The following PIK3R2 variants were observed in gnomAD, a reference collection of about 807,000 sequenced individuals.
The protein encoded by PIK3R2 is phosphoinositide-3-kinase regulatory subunit 2.
In PIK3R2, 40 loss-of-function variants were observed where a neutral mutation model predicts 78.5. The ratio of observed to expected loss-of-function variants is 0.51; its 90% CI spans 0.40 to 0.66. The LOEUF is 0.66. PIK3R2 is among the 30% of genes least tolerant of loss of function. PIK3R2 has a pLI of 0.00. For synonymous variants in PIK3R2, 473 were observed against 457.7 expected (o/e 1.03, Z -0.43); for missense variants, 880 against 1,026.6 (o/e 0.86, Z 1.95).
chr19:18,160,050 T>C (rs1219254931), intron 2 of PIK3R2, among the ~76,000 whole-genome samples: 1 of 152,122 alleles, frequency 6.6e-6, no homozygotes, highest in Non-Finnish European at 1.5e-5. Flanking sequence ...CTTTCTCTTG[T>C]TACAAGGACA....
rs974062063 is a variant in PIK3R2, at chr19:18,153,918, C to T, written c.-424+624C>T. On this transcript the variant is annotated intron_variant, in intron 1 of 15. Coordinates refer to ENST00000222254, the MANE Select transcript of PIK3R2 (RefSeq NM_005027.4). ...CCTGTAGAATGAGGGTAACAGAGGC[C>T]TAGGAATGGGTAAATTGGGCACCCG... Among the ~76,000 whole-genome samples, 5 of 152,178 alleles carry T rather than the reference C, an allele frequency of 3.3e-5. No homozygotes were observed. In the South Asian group the frequency reaches 1.0e-3, roughly 32 times the overall value.
chr19:18,168,652 C>T lies in PIK3R2; in HGVS notation c.1809-74C>T. On this transcript the variant is annotated intron_variant, in intron 14 of 15. Coordinates refer to ENST00000222254, the MANE Select transcript of PIK3R2 (RefSeq NM_005027.4). This position sits in a 1 kb window ranked among gnomAD's most constrained non-coding sequence, Gnocchi z 4.1. ...GAGTTCACCAGGGAGGAAAAGTTGT[C>T]CAGGCAGCTGGGGAGCCTCGGAGGC... 1 of 1,306,882 alleles carries T rather than the reference C, an allele frequency of 7.7e-7. No individual in the cohort carries two copies. Among genetic ancestry groups the T allele is most frequent in the Non-Finnish European group, 1.1e-6 (1 of 904,986 alleles). 81.0% of individuals were successfully genotyped at this position (1,306,882 alleles called of 1,614,324 possible).
rs1257426847 is a variant in PIK3R2 at position 18,168,036 on chromosome 19, C to T, written c.1737-439C>T. 1.3e-5 allele frequency among the ~76,000 whole-genome samples: 2 copies of T among 152,142 alleles called. No homozygotes were observed. The highest frequency in any genetic ancestry group is 2.9e-5 in the Non-Finnish European group (2 of 68,034). ...TTGGGCCTCAGGGAGGGCACTGTCG[C>T]GTGCCAGGTGCTGTGCTAAGCACCG... On this transcript the variant is annotated intron_variant, in intron 13 of 15. Coordinates refer to ENST00000222254, the MANE Select transcript of PIK3R2 (RefSeq NM_005027.4). This position sits in a 1 kb window ranked among gnomAD's most constrained non-coding sequence, Gnocchi z 4.1.
At chr19:18,155,342 G>A (rs931998432) in intron 1 of PIK3R2, 115 bp from the exon 2 acceptor site, 29 of 333,040 alleles carry the variant, frequency 8.7e-5, no homozygotes, top group Non-Finnish European at 1.4e-4. Context: ...GAGAGGGACC[G>A]GCCCCAAGGT....
chr19:18,162,395 G>T lies in PIK3R2; in HGVS notation c.1011-13G>T, dbSNP rs779036985. 4.3e-6 allele frequency: 7 copies of T among 1,612,388 alleles called. No homozygotes were observed. Among genetic ancestry groups the T allele is most frequent in the Middle Eastern group, 1.6e-4 (1 of 6,062 alleles). The stretch of plus-strand genomic sequence containing the variant: ...AGGTGGCTCGGCAGTCCCAATGTTG[G>T]ATGTTCCCACAGGGAGGAGGTGAAC... On this transcript the variant is annotated splice_polypyrimidine_tract_variant and intron_variant, in intron 8 of 15. Transcript: ENST00000222254.
intron 2 of PIK3R2, among the ~76,000 whole-genome samples, chr19:18,158,617 G>GC (rs1219133140): frequency 5.3e-5 from 8 of 152,004 alleles, no homozygotes; most frequent in Admixed American, 4.6e-4. Flanking sequence ...GGGTGACAAA[G>GC]CAAGAACCTG....
chr19:18,155,085 G>A (rs2043662986), intron 1 of PIK3R2, among the ~76,000 whole-genome samples: 1 of 151,204 alleles, frequency 6.6e-6, no homozygotes, highest in Non-Finnish European at 1.5e-5. Flanking sequence ...GTGGTGGCCT[G>A]CTACTCGGGA....
At chr19:18,153,834 C>G (rs1286445823) in intron 1 of PIK3R2, among the ~76,000 whole-genome samples, 1 of 152,226 alleles carries the variant, frequency 6.6e-6, no homozygotes, top group Non-Finnish European at 1.5e-5. Flanking sequence ...TGGGGGCGGG[C>G]TGGCAGGCAG....
chr19:18,166,330 A>G (rs773183946), intron 12 of PIK3R2, 28 bp downstream of exon 12: 2 of 1,597,648 alleles, frequency 1.3e-6, no homozygotes, highest in African/African-American at 1.3e-5. Flanking sequence ...GCCCTGCCCC[A>G]CCCCACCCTG....
chr19:18,163,979 TAGCTG>T (rs1408011678), intron 11 of PIK3R2, among the ~76,000 whole-genome samples: 8 of 151,040 alleles, frequency 5.3e-5, no homozygotes, highest in Admixed American at 5.3e-4. Context: ...ATACAAAAAT[TAGCTG>T]GGCATGGTGG....
At position 18,166,296 on chromosome 19, in the gene PIK3R2, T is replaced by C. The variant is rs778289716; in HGVS notation, c.1553T>C (p.Met518Thr). The C allele has an allele frequency of 2.5e-6, 4 of 1,613,772 alleles. No homozygotes were observed. The highest frequency in any genetic ancestry group is 2.7e-5 in the African/African-American group (2 of 74,902). Residue 518 changes from methionine (M) to threonine (T), a missense_variant, in exon 12 of 16, where the codon ATG becomes ACG. Met to Thr is a moderately conservative substitution (Grantham distance 81). Around this residue, in one of 3 missense-constraint regions of PIK3R2, gnomAD observed 268 missense variants for 299.1 expected, o/e 0.90. Coordinates refer to ENST00000222254, the MANE Select transcript of PIK3R2 (RefSeq NM_005027.4). ...CGGCGTGAGGGCAACGAGAAAGAGATGCAAAGGTGAGTCTGGCGCCTCTGC... is the reference window on the plus strand; with the variant it reads ...CGGCGTGAGGGCAACGAGAAAGAGACGCAAAGGTGAGTCTGGCGCCTCTGC... The part of the protein sequence containing the change: ...RFRREGNEKE[M>T]QRILLNSERL...
intron 2 of PIK3R2, among the ~76,000 whole-genome samples, chr19:18,157,587 A>G (rs1280071459): frequency 1.3e-5 from 2 of 151,968 alleles, no homozygotes; most frequent in African/African-American, 2.4e-5. Flanking sequence ...CTGACCCACA[A>G]TTCCTCACCT....
Position 18,156,052 on chromosome 19 carries a change from C to T in PIK3R2, c.173C>T (p.Pro58Leu), listed in dbSNP as rs2147945069. The T allele has an allele frequency of 6.4e-7, 1 of 1,562,410 alleles. No homozygotes were observed. Among genetic ancestry groups the T allele is most frequent in the Non-Finnish European group, 8.7e-7 (1 of 1,154,008 alleles). ...ERCPQSVGWMPGLNERTRQRG... is the reference protein window; with the variant it reads ...ERCPQSVGWMLGLNERTRQRG... Reference sequence around the variant, plus strand: ...TGCCCACAGAGCGTGGGCTGGATGCCCGGCCTCAACGAGCGCACACGGCAG... The same window carrying T: ...TGCCCACAGAGCGTGGGCTGGATGCTCGGCCTCAACGAGCGCACACGGCAG... Residue 58 changes from proline (P) to leucine (L), a missense_variant, in exon 2 of 16, where the codon CCC becomes CTC. Physicochemically the swap from Pro to Leu is moderately conservative, Grantham distance 98. Around this residue, in one of 3 missense-constraint regions of PIK3R2, gnomAD observed 456 missense variants for 486.6 expected, o/e 0.94. Transcript: ENST00000222254. This position sits in a 1 kb window ranked among gnomAD's most constrained non-coding sequence, Gnocchi z 4.2.
At position 18,162,312 on chromosome 19, in the gene PIK3R2, T is replaced by C; in HGVS notation, c.1010+2T>C. On this transcript the variant is annotated splice_donor_variant, in intron 8 of 15. Coordinates refer to ENST00000222254, the MANE Select transcript of PIK3R2 (RefSeq NM_005027.4). LOFTEE classifies it high-confidence loss of function. Reference sequence around the variant, plus strand: ...GTGGTACTGGGGGGACATTTCAAGGTAGGTTGCTGGCAGGGGGCCAGGGAC... The same window carrying C: ...GTGGTACTGGGGGGACATTTCAAGGCAGGTTGCTGGCAGGGGGCCAGGGAC... The C allele has an allele frequency of 6.2e-7, 1 of 1,601,592 alleles. No individual in the cohort carries two copies. Among genetic ancestry groups the C allele is most frequent in the African/African-American group, 1.3e-5 (1 of 74,720 alleles).
At position 18,156,123 on chromosome 19, in the gene PIK3R2, G is replaced by A. The variant is rs771896618; in HGVS notation, c.244G>A (p.Ala82Thr). ...GTYVEFLGPV[A>T]LARPGPRPRG... ...CTATGTGGAGTTCCTGGGGCCCGTGGCCCTGGCCCGGCCCGGCCCTCGCCC... is the reference window on the plus strand; with the variant it reads ...CTATGTGGAGTTCCTGGGGCCCGTGACCCTGGCCCGGCCCGGCCCTCGCCC... Residue 82 changes from alanine to threonine, a missense_variant, in exon 2 of 16, where the codon GCC becomes ACC. By Grantham distance (58) the Ala-to-Thr change is moderately conservative (BLOSUM62 0). Transcript: ENST00000222254. The surrounding 1 kb of genome is among the most constrained non-coding windows in gnomAD (Gnocchi z 4.2). The A allele has an allele frequency of 1.3e-6, 2 of 1,530,340 alleles. No homozygotes were observed. Among genetic ancestry groups the A allele is most frequent in the South Asian group, 2.5e-5 (2 of 81,194 alleles). The allele number at this position is 1,530,340 out of a possible 1,614,324, so 94.8% of individuals were successfully genotyped here.
chr19:18,163,675 A>C (rs934490562), intron 11 of PIK3R2, among the ~76,000 whole-genome samples: 4 of 152,180 alleles, frequency 2.6e-5, no homozygotes, highest in Non-Finnish European at 1.5e-5. Context: ...TTTAAAAATT[A>C]ACTGGGTGTC....
At chr19:18,162,607 G>C in intron 9 of PIK3R2, 101 bp downstream of exon 9, 1 of 960,580 alleles carries the variant, frequency 1.0e-6, no homozygotes, top group South Asian at 1.5e-5. Flanking sequence ...TGGAGGGCCA[G>C]GCACGGTGGC....
Position 18,168,418 on chromosome 19 carries a change from A to G in PIK3R2, c.1737-57A>G. On this transcript the variant is annotated intron_variant, in intron 13 of 15. Transcript: ENST00000222254. This position sits in a 1 kb window ranked among gnomAD's most constrained non-coding sequence, Gnocchi z 4.1. ...ACCCTGCCTCCCACCGGACAGGCCC[A>G]CTGTGGGCTCAGCACCCACACAACT... is the stretch of plus-strand genomic sequence containing the variant. The G allele has an allele frequency of 2.6e-6, 2 of 760,708 alleles. No homozygotes were observed. The highest frequency in any genetic ancestry group is 1.4e-5 in the South Asian group (1 of 72,348). 47.1% of individuals were successfully genotyped at this position (760,708 alleles called of 1,614,324 possible). A position where few individuals can be genotyped will look rare whatever the true frequency, so the allele number is the denominator to read the frequency against.
chr19:18,168,136 C>T lies in PIK3R2; in HGVS notation c.1737-339C>T, dbSNP rs1459648824. ...CCCTTTACAGCTGGGGAGACTGAGG[C>T]ACAGAACCGACAGCTGCCCTGTGCA... On this transcript the variant is annotated intron_variant, in intron 13 of 15. Transcript: ENST00000222254. The surrounding 1 kb of genome is among the most constrained non-coding windows in gnomAD (Gnocchi z 4.1). Among the ~76,000 whole-genome samples the T allele has an allele frequency of 6.6e-6, 1 of 152,106 alleles. No individual in the cohort carries two copies. Among genetic ancestry groups the T allele is most frequent in the Non-Finnish European group, 1.5e-5 (1 of 68,014 alleles).
Sources: gnomAD v4.1 joint callset for allele counts (sites outside exome capture counted in the v4.1 genomes callset) on GRCh38, gnomAD v4.1.1 for gene constraint, gnomAD v4.1.1 regional missense constraint, Gnocchi (gnomAD v3.1) non-coding constraint, MANE v1.5 for transcripts, NCBI Gene and HGNC (gene_info 2026-07-23, HGNC 2026-07-21) for gene names.